Variants in AP5S1 observed in about 807,000 individuals in gnomAD.
AP5S1 encodes the protein adaptor related protein complex 5 subunit sigma 1.
In AP5S1, 13 loss-of-function variants were observed where a neutral mutation model predicts 13.9. That is an observed-to-expected ratio of 0.94 (90% CI 0.61 to 1.49). AP5S1 has a LOEUF of 1.49. AP5S1 is among the 40% of genes most tolerant of loss of function. The pLI is 0.00. For missense variants in AP5S1, 292 were observed against 272.3 expected, an observed-to-expected ratio of 1.07 and a Z score of -0.51; for synonymous variants, 132 against 121.8, an observed-to-expected ratio of 1.08 and a Z score of -0.55.
At position 3,821,882 on chromosome 20, in the gene AP5S1, T is replaced by C. The variant is rs6116057; in HGVS notation, c.-16-220T>C. On this transcript the variant is annotated intron_variant, in intron 1 of 2. Transcript: ENST00000615891. ...GTTTGTTTGTTTTTCTTTTTTCTTT[T>C]TTTTTTTTTTTAGTTTATGCCTATT... is the stretch of plus-strand genomic sequence containing the variant. 9 of 952,718 alleles carry C rather than the reference T, an allele frequency of 9.4e-6. No homozygotes were observed. In the East Asian group the frequency reaches 3.4e-4, roughly 36 times the overall value. The allele number at this position is 952,718 out of a possible 1,614,324, so 59.0% of individuals were successfully genotyped here.
Position 3,823,852 on chromosome 20 carries a change from A to T in AP5S1, c.177-19A>T. The T allele has an allele frequency of 6.3e-7, 1 of 1,588,226 alleles. No homozygotes were observed. The highest frequency in any genetic ancestry group is 8.5e-7 in the Non-Finnish European group (1 of 1,171,100). ...GTTGGTGTGTGAGCCCACCAGCCTG[A>T]CCTGCCCACTCTCCCCAGGCAGGTA... is the stretch of plus-strand genomic sequence containing the variant. On this transcript the variant is annotated intron_variant, in intron 2 of 2. Transcript: ENST00000615891.
At chr20:3,821,978 A>G in intron 1 of AP5S1, 124 bp from the exon 2 acceptor site, 1 of 1,393,514 alleles carries the variant, frequency 7.2e-7, no homozygotes, top group Non-Finnish European at 9.3e-7. Context: ...GCTGTTATTC[A>G]AAGTGTTCAG....
rs1339091083 is a variant in AP5S1, at chr20:3,826,312, GC to G, written c.*2017del. 6.6e-6 allele frequency: 1 copy of G among 152,160 alleles called. No individual in the cohort carries two copies. Among genetic ancestry groups the G allele is most frequent in the Non-Finnish European group, 1.5e-5 (1 of 68,046 alleles). The allele number at this position is 152,160 out of a possible 1,614,324, so 9.4% of individuals were successfully genotyped here. On this transcript the variant is annotated 3_prime_UTR_variant, in exon 3 of 3. Coordinates refer to ENST00000615891, the MANE Select transcript of AP5S1 (RefSeq NM_018347.3). ...AAAGGGATGTTACTCTGTGTGTGTG[GC>G]CAAGTCCCACCAGTGGAAATGTCCC...
chr20:3,821,793 G>A (rs534419268), intron 1 of AP5S1: 421 of 518,616 alleles, frequency 8.1e-4, no homozygotes, highest in Admixed American at 2.0e-3. Context: ...TGACCTTGAC[G>A]CTTTTGAAGA....
chr20:3,823,470 C>G, intron 2 of AP5S1: 5 of 858,442 alleles, frequency 5.8e-6, no homozygotes, highest in African/African-American at 1.8e-5. Flanking sequence ...CCAGGATGGT[C>G]TCGATCTCCT....
chr20:3,821,950 A>T, intron 1 of AP5S1, 152 bp from the exon 2 acceptor site: 1 of 969,718 alleles, frequency 1.0e-6, no homozygotes, highest in African/African-American at 1.9e-5. Flanking sequence ...GGATTCTGTT[A>T]TGTGATGTTG....
In AP5S1 at chr20:3,823,992, C is replaced by T. The variant is rs138665829; in HGVS notation, c.298C>T (p.Leu100=). Residue 100 remains leucine (L), a synonymous_variant, in exon 3 of 3, where the codon CTG becomes TTG. Coordinates refer to ENST00000615891, the MANE Select transcript of AP5S1 (RefSeq NM_018347.3). ...LHEAPRGAFR[L]AAENPFQEPR... ...CGAGGCCCCACGTGGGGCTTTCCGCCTGGCAGCAGAGAACCCTTTCCAGGA... is the reference window on the plus strand; with the variant it reads ...CGAGGCCCCACGTGGGGCTTTCCGCTTGGCAGCAGAGAACCCTTTCCAGGA... 2 of 1,612,984 alleles carry T rather than the reference C, an allele frequency of 1.2e-6. No homozygotes were observed. Among genetic ancestry groups the T allele is most frequent in the African/African-American group, 2.7e-5 (2 of 75,080 alleles).
rs2089615505 is a variant in AP5S1, at chr20:3,824,971, AG to A, written c.*678del. On this transcript the variant is annotated 3_prime_UTR_variant, in exon 3 of 3. Transcript: ENST00000615891. ...AATCCCACAGTCATCGAAACACAAA[AG>A]GGGTCTCAGACTCCCCTGAGGGTGG... 1 of 150,732 alleles carries A rather than the reference AG, an allele frequency of 6.6e-6. No individual in the cohort carries two copies. Among genetic ancestry groups the A allele is most frequent in the African/African-American group, 2.4e-5 (1 of 40,966 alleles). 9.3% of individuals were successfully genotyped at this position (150,732 alleles called of 1,614,324 possible).
At chr20:3,823,487 G>A (rs1211001822) in intron 2 of AP5S1, 13 of 944,620 alleles carry the variant, frequency 1.4e-5, no homozygotes, top group African/African-American at 7.1e-5. Flanking sequence ...TCCTGACCTC[G>A]TGATCCGCCC....
chr20:3,826,348 T>C lies in AP5S1; in HGVS notation c.*2051T>C, dbSNP rs2089624658. On this transcript the variant is annotated 3_prime_UTR_variant, in exon 3 of 3. Transcript: ENST00000615891. ...CCAGTGGAAATGTCCCACAGGCCTC[T>C]AGTAGGGACACCCCTTCCCTATACA... The C allele has an allele frequency of 6.6e-6, 1 of 152,250 alleles. No individual in the cohort carries two copies. The highest frequency in any genetic ancestry group is 2.1e-4 in the South Asian group (1 of 4,828). 9.4% of individuals were successfully genotyped at this position (152,250 alleles called of 1,614,324 possible). A position where few individuals can be genotyped will look rare whatever the true frequency, so the allele number is the denominator to read the frequency against.
chr20:3,822,548 G>A (rs2089592099), intron 2 of AP5S1, among the ~76,000 whole-genome samples: 1 of 152,114 alleles, frequency 6.6e-6, no homozygotes, highest in African/African-American at 2.4e-5. Context: ...TTTATATTCT[G>A]AACATCTTAT....
rs2089636242 is a variant in AP5S1, at chr20:3,828,380, C to T, written c.*4083C>T. 1 of 152,316 alleles carries T rather than the reference C, an allele frequency of 6.6e-6. No homozygotes were observed. The allele number at this position is 152,316 out of a possible 1,614,324, so 9.4% of individuals were successfully genotyped here. On this transcript the variant is annotated 3_prime_UTR_variant, in exon 3 of 3. Coordinates refer to ENST00000615891, the MANE Select transcript of AP5S1 (RefSeq NM_018347.3). ...TGGACCTTCATTGACACGTCACTAT[C>T]ACCAGAGTCCATAGTTTACATTAGG...
chr20:3,822,883 C>T (rs141147865), intron 2 of AP5S1, among the ~76,000 whole-genome samples: 254 of 152,302 alleles, frequency 1.7e-3, no homozygotes, highest in East Asian at 2.7e-3. Context: ...CTGTTCCAGA[C>T]TAGGGTGGCT....
Position 3,828,628 on chromosome 20 carries a change from T to C in AP5S1, c.*4331T>C, listed in dbSNP as rs1362666874. On this transcript the variant is annotated 3_prime_UTR_variant, in exon 3 of 3. Coordinates refer to ENST00000615891, the MANE Select transcript of AP5S1 (RefSeq NM_018347.3). ...TGTAGTTAGATTCATACTGTATATG[T>C]AGCCTTTTCAGATTGACTTCCTTCA... 6.6e-6 allele frequency: 1 copy of C among 152,246 alleles called. No homozygotes were observed. Among genetic ancestry groups the C allele is most frequent in the African/African-American group, 2.4e-5 (1 of 41,464 alleles). The allele number at this position is 152,246 out of a possible 1,614,324, so 9.4% of individuals were successfully genotyped here.
At position 3,826,219 on chromosome 20, in the gene AP5S1, A is replaced by G. The variant is rs2089623874; in HGVS notation, c.*1922A>G. The G allele has an allele frequency of 6.6e-6, 1 of 152,240 alleles. No individual in the cohort carries two copies. Among genetic ancestry groups the G allele is most frequent in the Non-Finnish European group, 1.5e-5 (1 of 68,068 alleles). 9.4% of individuals were successfully genotyped at this position (152,240 alleles called of 1,614,324 possible). A position where few individuals can be genotyped will look rare whatever the true frequency, so the allele number is the denominator to read the frequency against. On this transcript the variant is annotated 3_prime_UTR_variant, in exon 3 of 3. Coordinates refer to ENST00000615891, the MANE Select transcript of AP5S1 (RefSeq NM_018347.3). ...TGCCAGGCCTTCTACCACCACTGTC[A>G]ACATAATTGGGATGAGGCCACCTTT...
At chr20:3,823,663 C>A in intron 2 of AP5S1, 1 of 985,408 alleles carries the variant, frequency 1.0e-6, no homozygotes. Flanking sequence ...AAAACCTGCC[C>A]TCTTGGCCAC....
In AP5S1 at chr20:3,824,937, A is replaced by G. The variant is rs1370349135; in HGVS notation, c.*640A>G. Reference sequence around the variant, plus strand: ...ACAGAGTGAGACTCCATCTCAAAAAAAAAAAAAAAATCCCACAGTCATCGA... The same window carrying G: ...ACAGAGTGAGACTCCATCTCAAAAAGAAAAAAAAAATCCCACAGTCATCGA... On this transcript the variant is annotated 3_prime_UTR_variant, in exon 3 of 3. Transcript: ENST00000615891. The G allele has an allele frequency of 6.6e-6, 1 of 151,642 alleles. No individual in the cohort carries two copies. Among genetic ancestry groups the G allele is most frequent in the Non-Finnish European group, 1.5e-5 (1 of 68,020 alleles). 9.4% of individuals were successfully genotyped at this position (151,642 alleles called of 1,614,324 possible).
At chr20:3,823,527 A>G in intron 2 of AP5S1, 2 of 985,266 alleles carry the variant, frequency 2.0e-6, no homozygotes, top group Non-Finnish European at 2.4e-6. Context: ...CTGGGATTAC[A>G]GGCTTGAGCC....
At chr20:3,821,202 T>C (rs2089577709) in intron 1 of AP5S1, among the ~76,000 whole-genome samples, 1 of 152,186 alleles carries the variant, frequency 6.6e-6, no homozygotes, top group Non-Finnish European at 1.5e-5. Flanking sequence ...CTGTTTCCTC[T>C]ATATTTAGAG....
Sources: allele counts gnomAD v4.1 joint callset (sites outside exome capture counted in the v4.1 genomes callset), GRCh38; gene constraint gnomAD v4.1.1; transcripts MANE v1.5; gene names NCBI Gene and HGNC (gene_info 2026-07-23, HGNC 2026-07-21).